The following PHF21A variants were observed in gnomAD, a reference collection of about 807,000 sequenced individuals.
The protein encoded by PHF21A is PHD finger protein 21A.
Under a neutral mutation model 82.5 loss-of-function variants are expected in PHF21A, and 11 were observed. The ratio of observed to expected loss-of-function variants is 0.13; its 90% confidence interval spans 0.08 to 0.22. The LOEUF (loss-of-function observed/expected upper bound fraction) is 0.22, where lower values mean the gene tolerates loss of function less well. Ranked by LOEUF, PHF21A falls within the 10% of genes least tolerant of loss-of-function variation. PHF21A has a pLI of 1.00. For missense variants in PHF21A, 579 were observed against 837.8 expected (o/e 0.69, Z 3.81); for synonymous variants, 297 against 302.8 (o/e 0.98, Z 0.20).
At chr11:46,096,676 T>C (rs1209420066) in intron 1 of PHF21A, among the ~76,000 whole-genome samples, 1 of 152,120 alleles carries the variant, frequency 6.6e-6, no homozygotes, top group Non-Finnish European at 1.5e-5. Flanking sequence ...CACCTTAAAA[T>C]GTGGAACTGT....
At chr11:45,939,513 T>A (rs1326695457) in intron 15 of PHF21A, among the ~76,000 whole-genome samples, 1 of 152,162 alleles carries the variant, frequency 6.6e-6, no homozygotes, top group Non-Finnish European at 1.5e-5. Flanking sequence ...AAGCAACAGC[T>A]GACAATGTTC....
At chr11:45,968,512 T>C (rs932453332) in intron 9 of PHF21A, among the ~76,000 whole-genome samples, 5 of 152,256 alleles carry the variant, frequency 3.3e-5, no homozygotes, top group African/African-American at 1.2e-4. Context: ...TTCTGTCCTC[T>C]GCCTGGGACA....
At chr11:46,073,062 A>C (rs560569258) in intron 6 of PHF21A, among the ~76,000 whole-genome samples, 1 of 152,036 alleles carries the variant, frequency 6.6e-6, no homozygotes, top group African/African-American at 2.4e-5. Flanking sequence ...TCAGCATTAC[A>C]TCACGCCTGT....
At chr11:46,062,652 G>A (rs1403217234) in intron 6 of PHF21A, among the ~76,000 whole-genome samples, 1 of 151,972 alleles carries the variant, frequency 6.6e-6, no homozygotes. Flanking sequence ...GTGATTCTTG[G>A]CTATGTTCAT....
chr11:46,091,239 AT>A (rs930629455), intron 2 of PHF21A, among the ~76,000 whole-genome samples: 2 of 152,168 alleles, frequency 1.3e-5, no homozygotes, highest in African/African-American at 4.8e-5. Context: ...GGATTTAAAA[AT>A]TTTTTTAAAA....
chr11:45,953,980 C>G (rs16938423), intron 10 of PHF21A, among the ~76,000 whole-genome samples: 3,977 of 152,170 alleles, frequency 0.026, 132 homozygotes, highest in African/African-American at 0.078. Flanking sequence ...TGCCCAGAAG[C>G]AAGCCTGCTA....
chr11:46,047,390 GTATTTTATAATTTTTTTTTATTAGT>G, intron 6 of PHF21A, among the ~76,000 whole-genome samples: 1 of 152,160 alleles, frequency 6.6e-6, no homozygotes, highest in Middle Eastern at 3.4e-3. Flanking sequence ...GGCTGGTAAG[GTATTTTATAATTTTTTTTTATTAGT>G]TAGTCCTTAT....
intron 15 of PHF21A, among the ~76,000 whole-genome samples, 176 bp downstream of exon 15, chr11:45,945,664 A>G (rs1017019061): frequency 6.6e-6 from 1 of 152,256 alleles, no homozygotes; most frequent in Non-Finnish European, 1.5e-5. Flanking sequence ...AGGACATGGA[A>G]GGCCTGGAAA....
chr11:46,015,109 C>T (rs2095491371), intron 6 of PHF21A, among the ~76,000 whole-genome samples: 1 of 152,060 alleles, frequency 6.6e-6, no homozygotes, highest in South Asian at 2.1e-4. Context: ...CAATGTTGAG[C>T]ATTTTTTCAT....
intron 6 of PHF21A, among the ~76,000 whole-genome samples, chr11:46,074,040 A>T (rs2096689701): frequency 6.6e-6 from 1 of 152,182 alleles, no homozygotes; most frequent in African/African-American, 2.4e-5. Flanking sequence ...AGTAAGTATC[A>T]AAGATTGAAG....
intron 6 of PHF21A, among the ~76,000 whole-genome samples, chr11:45,998,659 T>C (rs537412380): frequency 6.6e-6 from 1 of 151,286 alleles, no homozygotes; most frequent in African/African-American, 2.4e-5. Flanking sequence ...ATTACAGGTA[T>C]GCGCCACCAT....
chr11:45,964,200 AAAT>A (rs58644528), intron 10 of PHF21A, among the ~76,000 whole-genome samples: 1,579 of 134,600 alleles, frequency 0.012, 17 homozygotes, highest in Middle Eastern at 0.022. Context: ...CTCCATCTCA[AAAT>A]AATAATAATA....
intron 1 of PHF21A, among the ~76,000 whole-genome samples, chr11:46,105,615 T>TA (rs202073249): frequency 4.7e-4 from 70 of 149,722 alleles, no homozygotes; most frequent in African/African-American, 1.4e-3. Context: ...CCAAACACCA[T>TA]AAAAAAAAAC....
chr11:46,049,471 G>GAACT (rs1490026668), intron 6 of PHF21A: 1 of 456,242 alleles, frequency 2.2e-6, no homozygotes, highest in Non-Finnish European at 4.4e-6. Context: ...AAGCCAAATA[G>GAACT]AACTGGTAGA....
chr11:45,952,415 T>G (rs1013184492), intron 11 of PHF21A, among the ~76,000 whole-genome samples: 7 of 152,206 alleles, frequency 4.6e-5, no homozygotes, highest in African/African-American at 1.4e-4. Flanking sequence ...CTAATTTTGT[T>G]TATTTTTTGC....
At chr11:46,091,163 A>T (rs2096919946) in intron 2 of PHF21A, among the ~76,000 whole-genome samples, 4 of 152,162 alleles carry the variant, frequency 2.6e-5, no homozygotes, top group Admixed American at 2.6e-4. Context: ...AAACTATCAA[A>T]AGGAAACCTT....
intron 1 of PHF21A, among the ~76,000 whole-genome samples, chr11:46,107,732 A>G (rs1272882927): frequency 6.6e-6 from 1 of 152,208 alleles, no homozygotes; most frequent in Non-Finnish European, 1.5e-5. Context: ...AATCTCAGCA[A>G]CAAGTTAAAA....
intron 6 of PHF21A, among the ~76,000 whole-genome samples, chr11:46,030,271 T>A (rs2095838299): frequency 6.6e-6 from 1 of 152,208 alleles, no homozygotes; most frequent in Non-Finnish European, 1.5e-5. Flanking sequence ...TAAAAGGGTG[T>A]CAAGACAATA....
chr11:46,062,678 G>A (rs2096550014), intron 6 of PHF21A, among the ~76,000 whole-genome samples: 1 of 152,022 alleles, frequency 6.6e-6, no homozygotes, highest in African/African-American at 2.4e-5. Context: ...AGATTGAAGC[G>A]CTAAGAATGT....
Sources: gnomAD v4.1 joint callset for allele counts (sites outside exome capture counted in the v4.1 genomes callset) on GRCh38, gnomAD v4.1.1 for gene constraint, MANE v1.5 for transcripts, NCBI Gene and HGNC (gene_info 2026-07-23, HGNC 2026-07-21) for gene names.